Variants in GUCY1A2 observed in about 807,000 individuals in gnomAD.
GUCY1A2 encodes the protein guanylate cyclase 1 soluble subunit alpha 2, also known as guanylate cyclase soluble subunit alpha-2.
GUCY1A2 carries 27 observed loss-of-function variants against 63.5 expected under a neutral mutation model. The ratio of observed to expected loss-of-function variants is 0.43; its 90% CI spans 0.31 to 0.59. GUCY1A2 has a LOEUF of 0.59. GUCY1A2 is among the 20% of genes least tolerant of loss of function. The pLI, the probability that GUCY1A2 is intolerant of heterozygous loss-of-function variation, is 0.11. For missense variants in GUCY1A2, 768 were observed against 913.3 expected (o/e 0.84, Z 2.05); for synonymous variants, 364 against 343.5 (o/e 1.06, Z -0.66).
Position 107,018,309 on chromosome 11 carries a change from C to CCGCCGCCTCTGCTGCTGCTCGCGCGG in GUCY1A2, c.-280_-255dup, listed in dbSNP as rs1861858324. On this transcript the variant is annotated 5_prime_UTR_variant, in exon 1 of 8. Transcript: ENST00000526355. ...CGGCGCCGGGCTGGGCTGGGGGCCGCCGCCGCCTCTGCTGCTGCTCGCGCG... is the reference window on the plus strand; with the variant it reads ...CGGCGCCGGGCTGGGCTGGGGGCCGCCGCCGCCTCTGCTGCTGCTCGCGCGGCGCCGCCTCTGCTGCTGCTCGCGCG... The CCGCCGCCTCTGCTGCTGCTCGCGCGG allele has an allele frequency of 6.8e-6, 1 of 146,184 alleles. No individual in the cohort carries two copies. The highest frequency in any genetic ancestry group is 1.5e-5 in the Non-Finnish European group (1 of 65,810). 9.1% of individuals were successfully genotyped at this position (146,184 alleles called of 1,614,324 possible). A position where few individuals can be genotyped will look rare whatever the true frequency, so the allele number is the denominator to read the frequency against.
chr11:106,927,852 G>C (rs928878131), intron 4 of GUCY1A2, among the ~76,000 whole-genome samples: 1 of 152,100 alleles, frequency 6.6e-6, no homozygotes, highest in African/African-American at 2.4e-5. Context: ...GATTACAGGC[G>C]TGAGCCACCA....
intron 3 of GUCY1A2, among the ~76,000 whole-genome samples, chr11:106,973,642 G>A (rs1861225085): frequency 6.6e-6 from 1 of 152,072 alleles, no homozygotes; most frequent in South Asian, 2.1e-4. Context: ...CTGGAAGGCA[G>A]CACAAAGTAA....
intron 6 of GUCY1A2, among the ~76,000 whole-genome samples, chr11:106,732,222 G>A (rs1260988543): frequency 2.6e-5 from 4 of 151,820 alleles, no homozygotes; most frequent in South Asian, 2.1e-4. Flanking sequence ...AAATCAGGCC[G>A]CAAACCTACA....
intron 4 of GUCY1A2, among the ~76,000 whole-genome samples, chr11:106,816,167 TAA>T (rs60263721): frequency 0.023 from 2,072 of 91,982 alleles, 48 homozygotes; most frequent in African/African-American, 0.075. Flanking sequence ...ACTCTTTCTT[TAA>T]AAAAAAAAAA....
At chr11:106,951,921 T>C (rs1318513538) in intron 3 of GUCY1A2, among the ~76,000 whole-genome samples, 3 of 152,224 alleles carry the variant, frequency 2.0e-5, no homozygotes, top group Non-Finnish European at 4.4e-5. Flanking sequence ...GTATAAGGTG[T>C]AAGAAAGGGG....
chr11:106,701,850 T>C (rs1862822595), intron 7 of GUCY1A2, among the ~76,000 whole-genome samples: 1 of 152,208 alleles, frequency 6.6e-6, no homozygotes, highest in Non-Finnish European at 1.5e-5. Flanking sequence ...ATTTAATCAT[T>C]ATGCATTGTA....
At chr11:106,804,770 T>C (rs563513925) in intron 5 of GUCY1A2, among the ~76,000 whole-genome samples, 6 of 152,358 alleles carry the variant, frequency 3.9e-5, no homozygotes, top group East Asian at 3.9e-4. Flanking sequence ...AGACTTGTCC[T>C]GTGCACCCTC....
intron 4 of GUCY1A2, among the ~76,000 whole-genome samples, chr11:106,878,275 T>C (rs749320957): frequency 3.2e-4 from 49 of 152,030 alleles, no homozygotes; most frequent in South Asian, 4.1e-4. Context: ...CATCTCATCA[T>C]TGTATGTATA....
At chr11:106,723,668 C>T (rs1215175748) in intron 6 of GUCY1A2, among the ~76,000 whole-genome samples, 2 of 152,082 alleles carry the variant, frequency 1.3e-5, no homozygotes, top group Non-Finnish European at 1.5e-5. Context: ...ATTAAAAGTA[C>T]AAAAATTAGC....
At chr11:106,966,233 G>A (rs1201289527) in intron 3 of GUCY1A2, among the ~76,000 whole-genome samples, 1 of 151,920 alleles carries the variant, frequency 6.6e-6, no homozygotes, top group Non-Finnish European at 1.5e-5. Flanking sequence ...TCAGCCTCCT[G>A]AGTAGCTGGG....
Position 106,677,523 on chromosome 11 carries a change from G to T in GUCY1A2, c.*10026C>A. On this transcript the variant is annotated 3_prime_UTR_variant, in exon 8 of 8. Transcript: ENST00000526355. ...AATTCTGCACTGGGGAGACATCTATGATGTGACAAGTTATTTTTGTCCCTT... is the reference window on the plus strand; with the variant it reads ...AATTCTGCACTGGGGAGACATCTATTATGTGACAAGTTATTTTTGTCCCTT... 1 of 208,992 alleles carries T rather than the reference G, an allele frequency of 4.8e-6. No individual in the cohort carries two copies. The highest frequency in any genetic ancestry group is 7.2e-5 in the East Asian group (1 of 13,952). 12.9% of individuals were successfully genotyped at this position (208,992 alleles called of 1,614,324 possible).
At chr11:106,724,394 G>C (rs376087500) in intron 6 of GUCY1A2, among the ~76,000 whole-genome samples, 4 of 152,244 alleles carry the variant, frequency 2.6e-5, no homozygotes, top group African/African-American at 9.6e-5. Flanking sequence ...CACGTAGCTA[G>C]ATCCACAAAA....
At chr11:106,957,652 T>A (rs1191449189) in intron 3 of GUCY1A2, among the ~76,000 whole-genome samples, 1 of 152,078 alleles carries the variant, frequency 6.6e-6, no homozygotes, top group South Asian at 2.1e-4. Context: ...ATACCTTGGT[T>A]GCTGATGAAG....
At chr11:106,752,114 A>G (rs1029342759) in intron 6 of GUCY1A2, among the ~76,000 whole-genome samples, 1 of 152,240 alleles carries the variant, frequency 6.6e-6, no homozygotes. Flanking sequence ...AGGAAGAAGG[A>G]AGTAATTGCT....
chr11:106,813,826 G>C (rs1342482916), intron 4 of GUCY1A2, among the ~76,000 whole-genome samples: 1 of 152,072 alleles, frequency 6.6e-6, no homozygotes, highest in African/African-American at 2.4e-5. Flanking sequence ...CAACACATCT[G>C]TGAGTACTTG....
At chr11:106,994,344 C>G (rs1861508391) in intron 1 of GUCY1A2, among the ~76,000 whole-genome samples, 1 of 152,130 alleles carries the variant, frequency 6.6e-6, no homozygotes, top group Non-Finnish European at 1.5e-5. Context: ...CCAAAAATAG[C>G]CATTGAATTT....
Position 106,753,645 on chromosome 11 carries a change from GTCAAAGA to G in GUCY1A2, c.1836+22787_1836+22793del, listed in dbSNP as rs899934047. Among the ~76,000 whole-genome samples the G allele has an allele frequency of 4.8e-4, 73 of 152,168 alleles. 1 individual carries two copies. Among genetic ancestry groups the G allele is most frequent in the Admixed American group, 2.6e-4 (4 of 15,288 alleles). On this transcript the variant is annotated intron_variant, in intron 6 of 7. Coordinates refer to ENST00000526355, the MANE Select transcript of GUCY1A2 (RefSeq NM_000855.3). ...GAATCCTTTTCCTTTTGTCAGGTTT[GTCAAAGA>G]TCAGATGATTTTAGATGTGTGGTGT...
intron 6 of GUCY1A2, among the ~76,000 whole-genome samples, chr11:106,750,725 A>G (rs1235592753): frequency 6.8e-6 from 1 of 146,684 alleles, no homozygotes; most frequent in African/African-American, 2.7e-5. Flanking sequence ...TTTTAGCACC[A>G]TAGTGGATGT....
intron 3 of GUCY1A2, among the ~76,000 whole-genome samples, chr11:106,949,408 AC>A (rs1455746516): frequency 2.0e-5 from 3 of 152,094 alleles, no homozygotes; most frequent in Non-Finnish European, 4.4e-5. Flanking sequence ...TCTCTCATTT[AC>A]AGGCTTCTGT....
Sources: allele counts gnomAD v4.1 joint callset (sites outside exome capture counted in the v4.1 genomes callset), GRCh38; gene constraint gnomAD v4.1.1; transcripts MANE v1.5; gene names NCBI Gene and HGNC (gene_info 2026-07-23, HGNC 2026-07-21).